LMX1A: variants seen among roughly 807,000 people sequenced by gnomAD.
LMX1A encodes the protein LIM homeobox transcription factor 1-alpha.
In LMX1A, 15 loss-of-function variants were observed where a neutral mutation model predicts 49.1. That is an observed-to-expected ratio of 0.31 (90% CI 0.20 to 0.47). The LOEUF (loss-of-function observed/expected upper bound fraction) is 0.47. Among genes scored for constraint, LMX1A ranks in the 20% least tolerant of loss-of-function variants. The pLI, the probability that LMX1A is intolerant of heterozygous loss-of-function variation, is 1.00. For synonymous variants in LMX1A, 167 were observed against 185.7 expected (o/e 0.90, Z 0.82); for missense variants, 372 against 475.8 (o/e 0.78, Z 2.03).
At position 165,260,643 on chromosome 1, in the gene LMX1A, C is replaced by T. The variant is rs567247250; in HGVS notation, c.264-11003G>A. Among the ~76,000 whole-genome samples the T allele has an allele frequency of 3.9e-5, 6 of 152,274 alleles. No individual in the cohort carries two copies. In the South Asian group the frequency reaches 1.2e-3, roughly 32 times the overall value. On this transcript the variant is annotated intron_variant, in intron 3 of 8. Coordinates refer to ENST00000342310, the MANE Select transcript of LMX1A (RefSeq NM_177398.4). ...AAAACCAATGATTACATTCCTAAAT[C>T]ATCTGGTGCACTGCCTAGCATATAA... is the stretch of plus-strand genomic sequence containing the variant.
chr1:165,265,310 A>G (rs1653590149), intron 3 of LMX1A, among the ~76,000 whole-genome samples: 1 of 152,100 alleles, frequency 6.6e-6, no homozygotes, highest in African/African-American at 2.4e-5. Context: ...GAAGTTGCAG[A>G]CCTGTTCTTC....
rs1656626812 is a variant in LMX1A, at chr1:165,356,552, G to C, written c.-220C>G. The C allele has an allele frequency of 6.6e-6, 1 of 152,204 alleles. No homozygotes were observed. The highest frequency in any genetic ancestry group is 2.1e-4 in the South Asian group (1 of 4,836). The allele number at this position is 152,204 out of a possible 1,614,324, so 9.4% of individuals were successfully genotyped here. A position where few individuals can be genotyped will look rare whatever the true frequency, so the allele number is the denominator to read the frequency against. On this transcript the variant is annotated 5_prime_UTR_variant, in exon 1 of 9. Coordinates refer to ENST00000342310, the MANE Select transcript of LMX1A (RefSeq NM_177398.4). ...CGGCGCGCCCAGGCTGGGCCGGGAC[G>C]TGGTCGCGAGCTGCCGGCCTTCCCG... is the stretch of plus-strand genomic sequence containing the variant.
At chr1:165,245,690 A>T (rs1250177682) in intron 4 of LMX1A, among the ~76,000 whole-genome samples, 1 of 151,998 alleles carries the variant, frequency 6.6e-6, no homozygotes, top group Non-Finnish European at 1.5e-5. Context: ...AGTTCTATTA[A>T]TGCAGCATGT....
At chr1:165,273,248 T>G (rs1347477944) in intron 3 of LMX1A, among the ~76,000 whole-genome samples, 1 of 152,176 alleles carries the variant, frequency 6.6e-6, no homozygotes, top group African/African-American at 2.4e-5. Flanking sequence ...GAATGACCTG[T>G]CATGACTTGG....
intron 3 of LMX1A, among the ~76,000 whole-genome samples, chr1:165,294,525 C>CA (rs1200491890): frequency 1.3e-5 from 2 of 152,158 alleles, no homozygotes; most frequent in Non-Finnish European, 2.9e-5. Flanking sequence ...TCAGAAACCT[C>CA]AAAAACATAC....
At chr1:165,247,437 A>G (rs747358876) in intron 4 of LMX1A, among the ~76,000 whole-genome samples, 33 of 152,136 alleles carry the variant, frequency 2.2e-4, no homozygotes, top group Non-Finnish European at 3.8e-4. Context: ...TACCAAGTGT[A>G]TACCCATTAG....
intron 4 of LMX1A, among the ~76,000 whole-genome samples, chr1:165,234,815 G>C (rs1053255275): frequency 2.6e-5 from 4 of 152,140 alleles, no homozygotes; most frequent in South Asian, 4.1e-4. Context: ...TGATGTTTCT[G>C]GAATTTTTCA....
intron 4 of LMX1A, among the ~76,000 whole-genome samples, chr1:165,241,119 CAG>C (rs1482099547): frequency 6.6e-6 from 1 of 152,136 alleles, no homozygotes; most frequent in African/African-American, 2.4e-5. Context: ...GTTCAGAAAC[CAG>C]AGAGTGCCTC....
intron 4 of LMX1A, among the ~76,000 whole-genome samples, chr1:165,246,077 T>G (rs908007207): frequency 6.6e-6 from 1 of 152,146 alleles, no homozygotes. Context: ...GTATTTGTAC[T>G]GAGGCAGATC....
chr1:165,220,771 T>C (rs189254671), intron 4 of LMX1A, among the ~76,000 whole-genome samples: 181 of 152,200 alleles, frequency 1.2e-3, no homozygotes, highest in African/African-American at 4.2e-3. Context: ...CTAATAACCA[T>C]TAAAGATTAC....
intron 4 of LMX1A, chr1:165,219,073 C>G (rs1383265111): frequency 6.6e-6 from 1 of 152,210 alleles, no homozygotes; most frequent in Non-Finnish European, 1.5e-5. Flanking sequence ...CTTTCTTTCC[C>G]CTTTCTTGTA....
At chr1:165,271,296 G>A (rs1304749157) in intron 3 of LMX1A, among the ~76,000 whole-genome samples, 1 of 152,190 alleles carries the variant, frequency 6.6e-6, no homozygotes, top group Non-Finnish European at 1.5e-5. Context: ...CATCATGCAG[G>A]TATTAGGTAG....
chr1:165,203,974 A>T lies in LMX1A; in HGVS notation c.1055T>A (p.Phe352Tyr). Residue 352 changes from phenylalanine (F) to tyrosine (Y), a missense_variant, in exon 9 of 9, where the codon TTC (phenylalanine) becomes TAC (tyrosine). Phe to Tyr is a conservative substitution (Grantham distance 22). Coordinates refer to ENST00000342310, the MANE Select transcript of LMX1A (RefSeq NM_177398.4). ...AGGCCCAGCTTCTGAGGTTGCTAGGAAACAATCACCCAGGTTACTGAGGGA... is the reference window on the plus strand; with the variant it reads ...AGGCCCAGCTTCTGAGGTTGCTAGGTAACAATCACCCAGGTTACTGAGGGA... ...DTSLSNLGDC[F>Y]LATSEAGPLQ... 6.2e-7 allele frequency: 1 copy of T among 1,614,136 alleles called. No homozygotes were observed. The highest frequency in any genetic ancestry group is 8.5e-7 in the Non-Finnish European group (1 of 1,180,014).
At chr1:165,347,840 T>C (rs2101769301) in intron 3 of LMX1A, among the ~76,000 whole-genome samples, 1 of 152,348 alleles carries the variant, frequency 6.6e-6, no homozygotes, top group African/African-American at 2.4e-5. Flanking sequence ...AACCTTTGTC[T>C]ACTTTCTCCC....
chr1:165,317,781 T>A (rs1034341770), intron 3 of LMX1A, among the ~76,000 whole-genome samples: 1 of 152,252 alleles, frequency 6.6e-6, no homozygotes, highest in Non-Finnish European at 1.5e-5. Context: ...TCTCACGTCA[T>A]CCTCTGGGTT....
chr1:165,206,919 G>C (rs1032679733), intron 7 of LMX1A, among the ~76,000 whole-genome samples: 1 of 152,192 alleles, frequency 6.6e-6, no homozygotes, highest in Non-Finnish European at 1.5e-5. Context: ...TTGGCTGCAA[G>C]AGTCAAATTC....
chr1:165,332,852 G>T (rs778884316), intron 3 of LMX1A, among the ~76,000 whole-genome samples: 16 of 152,116 alleles, frequency 1.1e-4, no homozygotes, highest in African/African-American at 1.7e-4. Flanking sequence ...TCATGGAAAG[G>T]GTTGGCATAA....
At chr1:165,288,470 G>A (rs891034186) in intron 3 of LMX1A, among the ~76,000 whole-genome samples, 33 of 151,964 alleles carry the variant, frequency 2.2e-4, no homozygotes, top group African/African-American at 6.8e-4. Flanking sequence ...CTGTCTCCTC[G>A]GCAGCGGCTG....
intron 3 of LMX1A, among the ~76,000 whole-genome samples, chr1:165,340,785 A>G (rs1261670060): frequency 6.6e-6 from 1 of 152,070 alleles, no homozygotes; most frequent in African/African-American, 2.4e-5. Flanking sequence ...CACTTCTTAA[A>G]TTCCCTCTAT....
Sources: gnomAD v4.1 joint callset for allele counts (sites outside exome capture counted in the v4.1 genomes callset) on GRCh38, gnomAD v4.1.1 for gene constraint, MANE v1.5 for transcripts, NCBI Gene and HGNC (gene_info 2026-07-23, HGNC 2026-07-21) for gene names.